The following SYT1 variants were observed in gnomAD, a reference collection of about 807,000 sequenced individuals.
SYT1 encodes synaptotagmin 1, also known as synaptotagmin-1.
SYT1 carries 8 observed loss-of-function variants against 44.8 expected under a neutral mutation model. The ratio of observed to expected loss-of-function variants is 0.18; its 90% CI spans 0.10 to 0.32. The LOEUF (loss-of-function observed/expected upper bound fraction) is 0.32, where lower values mean the gene tolerates loss of function less well. Ranked by LOEUF, SYT1 falls within the 10% of genes least tolerant of loss-of-function variation. SYT1 has a pLI of 1.00. For synonymous variants in SYT1, 154 were observed against 188.8 expected (o/e 0.82, Z 1.51); for missense variants, 286 against 509.3 (o/e 0.56, Z 4.22).
At chr12:79,147,106 TG>T (rs547573893) in intron 3 of SYT1, among the ~76,000 whole-genome samples, 61 of 152,312 alleles carry the variant, frequency 4.0e-4, no homozygotes, top group Admixed American at 2.4e-3. Context: ...CCCAAAGTGC[TG>T]GGATTACAGG....
At chr12:79,223,835 G>A (rs559601928) in intron 4 of SYT1, among the ~76,000 whole-genome samples, 1 of 152,248 alleles carries the variant, frequency 6.6e-6, no homozygotes, top group Admixed American at 6.5e-5. Context: ...AGTCTGCCTG[G>A]TACTGAGTTT....
At chr12:79,232,017 T>C (rs1233871134) in intron 4 of SYT1, among the ~76,000 whole-genome samples, 1 of 152,200 alleles carries the variant, frequency 6.6e-6, no homozygotes, top group Non-Finnish European at 1.5e-5. Context: ...AAGTTCAAAA[T>C]TCTGACTCTA....
At chr12:79,033,252 A>G (rs1027105930) in intron 2 of SYT1, among the ~76,000 whole-genome samples, 6 of 151,282 alleles carry the variant, frequency 4.0e-5, no homozygotes, top group Admixed American at 6.6e-5. Flanking sequence ...CAAGTCAAAT[A>G]GTGTCAAAAT....
At chr12:79,096,973 G>GTAATGATAGCACAATAGC (rs1878169073) in intron 3 of SYT1, among the ~76,000 whole-genome samples, 3 of 151,954 alleles carry the variant, frequency 2.0e-5, no homozygotes, top group Admixed American at 2.0e-4. Context: ...ATAGCAAGAA[G>GTAATGATAGCACAATAGC]AAGAAGTAAA....
At position 79,217,677 on chromosome 12, in the gene SYT1, A is replaced by G; in HGVS notation, c.158A>G (p.Lys53Arg). ...LKEKFMNELH[K>R]IPLPPWALIA... ...GAGAAGTTTATGAATGAGTTGCATAAAATTCCATGTGAGTATTCTATATTA... is the reference window on the plus strand; with the variant it reads ...GAGAAGTTTATGAATGAGTTGCATAGAATTCCATGTGAGTATTCTATATTA... The change falls in exon 4 of 11, where the codon AAA (lysine) becomes AGA (arginine). Residue 53 changes from lysine to arginine, a missense_variant. Lys to Arg is a conservative substitution (Grantham distance 26). Around this residue, in one of 6 missense-constraint regions of SYT1, gnomAD observed 141 missense variants for 165.7 expected, o/e 0.85. Coordinates refer to ENST00000261205, the MANE Select transcript of SYT1 (RefSeq NM_005639.3). 3 of 1,612,436 alleles carry G rather than the reference A, an allele frequency of 1.9e-6. No homozygotes were observed. Among genetic ancestry groups the G allele is most frequent in the Non-Finnish European group, 2.5e-6 (3 of 1,179,222 alleles).
intron 4 of SYT1, among the ~76,000 whole-genome samples, chr12:79,226,094 A>G (rs572046205): frequency 1.3e-5 from 2 of 152,162 alleles, no homozygotes; most frequent in Non-Finnish European, 2.9e-5. Context: ...ATGACAACCA[A>G]TTTAACTTGT....
At chr12:79,025,321 A>C (rs1266372201) in intron 2 of SYT1, among the ~76,000 whole-genome samples, 1 of 151,796 alleles carries the variant, frequency 6.6e-6, no homozygotes, top group Non-Finnish European at 1.5e-5. Flanking sequence ...AGCTGACTTT[A>C]AAACTCTTAA....
At chr12:79,385,560 G>A (rs1884404495) in intron 9 of SYT1, among the ~76,000 whole-genome samples, 6 of 152,004 alleles carry the variant, frequency 3.9e-5, no homozygotes, top group Admixed American at 3.9e-4. Context: ...AAACTTACTG[G>A]TGGTAGCATG....
At chr12:79,247,953 G>A (rs1191042411) in intron 4 of SYT1, among the ~76,000 whole-genome samples, 5 of 152,284 alleles carry the variant, frequency 3.3e-5, no homozygotes, top group East Asian at 1.9e-4. Context: ...CTTGAATTAC[G>A]TGTTCAGAAA....
At chr12:79,199,519 C>T (rs1178603948) in intron 3 of SYT1, among the ~76,000 whole-genome samples, 1 of 152,086 alleles carries the variant, frequency 6.6e-6, no homozygotes, top group East Asian at 1.9e-4. Context: ...TCCATTCTCA[C>T]CATAGAAATG....
At chr12:79,185,639 T>A (rs1018613363) in intron 3 of SYT1, among the ~76,000 whole-genome samples, 46 of 151,972 alleles carry the variant, frequency 3.0e-4, no homozygotes, top group Admixed American at 2.0e-4. Context: ...TTACAGCAAA[T>A]CTTCATTATA....
At chr12:79,080,345 A>G (rs1054405942) in intron 3 of SYT1, among the ~76,000 whole-genome samples, 4 of 152,142 alleles carry the variant, frequency 2.6e-5, no homozygotes, top group Non-Finnish European at 4.4e-5. Flanking sequence ...CCTCAATATG[A>G]TTAACTGAGC....
At chr12:79,115,430 C>A (rs1879223799) in intron 3 of SYT1, among the ~76,000 whole-genome samples, 1 of 152,204 alleles carries the variant, frequency 6.6e-6, no homozygotes. Flanking sequence ...TCTACCACCT[C>A]AACCCAAGTG....
chr12:79,416,245 G>A (rs1868731976), intron 9 of SYT1, among the ~76,000 whole-genome samples: 1 of 152,150 alleles, frequency 6.6e-6, no homozygotes, highest in Non-Finnish European at 1.5e-5. Context: ...AAGAAACGGT[G>A]TCACAGTCAC....
chr12:78,930,349 A>T (rs1877565888), intron 1 of SYT1, among the ~76,000 whole-genome samples: 1 of 152,146 alleles, frequency 6.6e-6, no homozygotes, highest in Non-Finnish European at 1.5e-5. Context: ...AATTGAAGGC[A>T]GAAAGGGAAG....
intron 5 of SYT1, among the ~76,000 whole-genome samples, chr12:79,287,398 G>A (rs1215182195): frequency 6.6e-6 from 1 of 152,094 alleles, no homozygotes; most frequent in South Asian, 2.1e-4. Context: ...TTCCAGGCAT[G>A]TCTTACTTTA....
At chr12:78,971,459 T>C (rs755892996) in intron 1 of SYT1, among the ~76,000 whole-genome samples, 2 of 151,850 alleles carry the variant, frequency 1.3e-5, no homozygotes, top group Non-Finnish European at 2.9e-5. Flanking sequence ...AAAAAAAGAG[T>C]AGATGCATTG....
chr12:79,178,379 T>A (rs995376897), intron 3 of SYT1, among the ~76,000 whole-genome samples: 3 of 152,082 alleles, frequency 2.0e-5, no homozygotes, highest in African/African-American at 7.2e-5. Flanking sequence ...TCGTATTGTC[T>A]GAAATTTAGC....
chr12:79,017,742 T>C (rs756839660), intron 2 of SYT1, among the ~76,000 whole-genome samples: 2 of 152,070 alleles, frequency 1.3e-5, no homozygotes, highest in African/African-American at 4.8e-5. Context: ...CTGTTGAAGA[T>C]TTTTGACCAG....
Sources: allele counts gnomAD v4.1 joint callset (sites outside exome capture counted in the v4.1 genomes callset), GRCh38; gene constraint gnomAD v4.1.1; regional missense constraint gnomAD v4.1.1; transcripts MANE v1.5; gene names NCBI Gene and HGNC (gene_info 2026-07-23, HGNC 2026-07-21).